The following TRPM7 variants were observed in gnomAD, a reference collection of about 807,000 sequenced individuals.
TRPM7 encodes the protein LTRPC ion channel family member 7.
In TRPM7, 134 loss-of-function variants were observed where a neutral mutation model predicts 229.7. The observed-to-expected ratio is 0.58, with a 90% CI of 0.51 to 0.67. The LOEUF (loss-of-function observed/expected upper bound fraction) is 0.67, where lower values mean the gene tolerates loss of function less well. TRPM7 is among the 30% of genes least tolerant of loss of function. The pLI is 0.00. For synonymous variants in TRPM7, 699 were observed against 715.2 expected, an observed-to-expected ratio of 0.98 and a Z score of 0.36; for missense variants, 1,901 against 2,210.0, an observed-to-expected ratio of 0.86 and a Z score of 2.80.
At chr15:50,659,903 G>A (rs1211446117) in intron 2 of TRPM7, among the ~76,000 whole-genome samples, 6 of 152,096 alleles carry the variant, frequency 3.9e-5, no homozygotes, top group Admixed American at 3.9e-4. Context: ...CCTGACCTCA[G>A]GTGATCCACC....
chr15:50,625,824 C>G (rs2140596437), intron 11 of TRPM7, among the ~76,000 whole-genome samples: 1 of 152,276 alleles, frequency 6.6e-6, no homozygotes, highest in Admixed American at 6.5e-5. Context: ...ATATTTTTCA[C>G]TTGCTTAAAA....
chr15:50,628,776 G>A (rs1407074009), intron 10 of TRPM7, among the ~76,000 whole-genome samples: 1 of 152,176 alleles, frequency 6.6e-6, no homozygotes, highest in Non-Finnish European at 1.5e-5. Flanking sequence ...TAGAAATGCA[G>A]AAAAATGAGA....
chr15:50,680,982 G>A (rs544284074), intron 1 of TRPM7, among the ~76,000 whole-genome samples: 63 of 152,264 alleles, frequency 4.1e-4, no homozygotes, highest in African/African-American at 1.4e-3. Flanking sequence ...GTCGGGCGAG[G>A]TGGCTCATGC....
chr15:50,661,060 T>A (rs949607544), intron 2 of TRPM7, among the ~76,000 whole-genome samples: 3 of 138,116 alleles, frequency 2.2e-5, no homozygotes, highest in African/African-American at 8.2e-5. Context: ...CACTACAACC[T>A]CTGCCTTCCA....
At chr15:50,636,379 C>G (rs541874938) in intron 7 of TRPM7, among the ~76,000 whole-genome samples, 3 of 152,024 alleles carry the variant, frequency 2.0e-5, no homozygotes, top group Non-Finnish European at 4.4e-5. Flanking sequence ...TTAGGAGAGA[C>G]AGGGTTTCAC....
chr15:50,582,823 G>C (rs140046872), intron 29 of TRPM7, among the ~76,000 whole-genome samples: 9 of 152,268 alleles, frequency 5.9e-5, no homozygotes, highest in Non-Finnish European at 1.0e-4. Context: ...CATTATCGCA[G>C]TTAGCTGGAA....
chr15:50,598,283 T>C (rs1018645702), intron 22 of TRPM7, among the ~76,000 whole-genome samples: 1 of 152,254 alleles, frequency 6.6e-6, no homozygotes, highest in African/African-American at 2.4e-5. Context: ...GCATCACTTA[T>C]GTTCACAGGT....
intron 36 of TRPM7, among the ~76,000 whole-genome samples, chr15:50,573,336 C>A (rs917541304): frequency 3.9e-5 from 6 of 152,188 alleles, no homozygotes; most frequent in African/African-American, 1.4e-4. Flanking sequence ...AGTCTAAATA[C>A]CTGAAACTAC....
chr15:50,683,754 A>G (rs2062295738), intron 1 of TRPM7, among the ~76,000 whole-genome samples: 1 of 152,178 alleles, frequency 6.6e-6, no homozygotes, highest in Non-Finnish European at 1.5e-5. Flanking sequence ...CAACAAAAAA[A>G]ACAAGTGCAA....
intron 11 of TRPM7, among the ~76,000 whole-genome samples, chr15:50,627,533 T>C (rs189074485): frequency 9.8e-5 from 15 of 152,300 alleles, no homozygotes; most frequent in Admixed American, 8.5e-4. Flanking sequence ...AAGAGGATAG[T>C]AGTAGCATGT....
rs112932258 is a variant in TRPM7 at position 50,657,913 on chromosome 15, T to A, written c.84-94A>T. ...TACATAAAATACAAAACAAAAAAAA[T>A]TATATACCTAGTTTAATTTTTCAGT... On this transcript the variant is annotated intron_variant, in intron 2 of 38. Transcript: ENST00000646667. 8,324 of 889,036 alleles carry A rather than the reference T, an allele frequency of 9.4e-3. 54 individuals carry two copies. Among genetic ancestry groups the A allele is most frequent in the Non-Finnish European group, 0.011 (6,643 of 577,902 alleles). 55.1% of individuals were successfully genotyped at this position (889,036 alleles called of 1,614,324 possible).
rs769494130 is a variant in TRPM7 at position 50,592,126 on chromosome 15, T to C, written c.4109A>G (p.His1370Arg). Residue 1370 changes from histidine to arginine, a missense_variant, in exon 26 of 39, where the codon CAT (histidine) becomes CGT (arginine). His to Arg is a conservative substitution (Grantham distance 29). This residue lies in a region of TRPM7 where 533 missense variants were observed against 497.1 expected (regional missense o/e 1.07). Transcript: ENST00000646667. ...VSPPELRQRL[H>R]GVELLKIFNK... ...AAATATTTTTAAGAGTTCTACCCCA[T>C]GTAGTCTCTGTCGCAGTTCTGGAGG... The C allele has an allele frequency of 7.4e-6, 12 of 1,613,280 alleles. No homozygotes were observed. The East Asian group carries it at 2.7e-4, about 36-fold the overall frequency.
intron 38 of TRPM7, among the ~76,000 whole-genome samples, chr15:50,566,076 C>T (rs894757075): frequency 4.0e-5 from 6 of 151,834 alleles, no homozygotes; most frequent in African/African-American, 7.3e-5. Context: ...CCACCTGCCT[C>T]GGCCTCCCAA....
chr15:50,581,285 G>A (rs576551876), intron 29 of TRPM7, among the ~76,000 whole-genome samples: 9 of 152,112 alleles, frequency 5.9e-5, no homozygotes, highest in African/African-American at 2.2e-4. Context: ...GATCACCTGA[G>A]GTCAGGAGTT....
At chr15:50,600,875 A>C (rs1166597162) in intron 21 of TRPM7, among the ~76,000 whole-genome samples, 2 of 152,222 alleles carry the variant, frequency 1.3e-5, no homozygotes, top group African/African-American at 4.8e-5. Context: ...TTTTCTTTTT[A>C]AATTAAGAGC....
intron 5 of TRPM7, among the ~76,000 whole-genome samples, chr15:50,640,161 G>A (rs1444242107): frequency 2.0e-5 from 3 of 151,940 alleles, no homozygotes; most frequent in Admixed American, 6.6e-5. Context: ...AGGACCATAC[G>A]CAAAACACAC....
intron 36 of TRPM7, among the ~76,000 whole-genome samples, chr15:50,573,734 C>T (rs1186687521): frequency 6.6e-6 from 1 of 152,090 alleles, no homozygotes; most frequent in African/African-American, 2.4e-5. Flanking sequence ...CATGTTTTTG[C>T]TTATCAAAAC....
chr15:50,634,371 C>G lies in TRPM7; in HGVS notation c.1007+11G>C, dbSNP rs772189778. ...TAAATAAAATTAATTAAAATGTTGT[C>G]ATACACTTACCCTCCTTCTTCTGTT... On this transcript the variant is annotated intron_variant, in intron 8 of 38. Coordinates refer to ENST00000646667, the MANE Select transcript of TRPM7 (RefSeq NM_017672.6). The G allele has an allele frequency of 2.2e-5, 33 of 1,520,460 alleles. No homozygotes were observed. The highest frequency in any genetic ancestry group is 2.3e-5 in the Admixed American group (1 of 43,418). 94.2% of individuals were successfully genotyped at this position (1,520,460 alleles called of 1,614,324 possible).
rs574037644 is a variant in TRPM7, at chr15:50,611,992, A to G, written c.2051+557T>C. On this transcript the variant is annotated intron_variant, in intron 16 of 38. Coordinates refer to ENST00000646667, the MANE Select transcript of TRPM7 (RefSeq NM_017672.6). ...CCAGTTGAATTCAGTCTATTTTCTT[A>G]TAACACAGCTCCAACTTCACTTCCA... Among the ~76,000 whole-genome samples, 3 of 152,358 alleles carry G rather than the reference A, an allele frequency of 2.0e-5. No individual in the cohort carries two copies. The South Asian group carries it at 6.2e-4, about 32-fold the overall frequency.
Sources: allele counts gnomAD v4.1 joint callset (sites outside exome capture counted in the v4.1 genomes callset), GRCh38; gene constraint gnomAD v4.1.1; regional missense constraint gnomAD v4.1.1; transcripts MANE v1.5; gene names NCBI Gene and HGNC (gene_info 2026-07-23, HGNC 2026-07-21).